The following NDUFAF7 variants were observed in gnomAD, a reference collection of about 807,000 sequenced individuals.
The protein encoded by NDUFAF7 is protein arginine methyltransferase NDUFAF7, mitochondrial.
In NDUFAF7, 48 loss-of-function variants were observed where a neutral mutation model predicts 47.2. That is an observed-to-expected ratio of 1.02 (90% CI 0.81 to 1.29). The LOEUF (loss-of-function observed/expected upper bound fraction) is 1.29, where lower values mean the gene tolerates loss of function less well. NDUFAF7 is among the 50% of genes most tolerant of loss of function. NDUFAF7 has a pLI of 0.00. For missense variants in NDUFAF7, 635 were observed against 537.6 expected (o/e 1.18, Z -1.79); for synonymous variants, 217 against 190.0 (o/e 1.14, Z -1.17).
chr2:37,238,594 T>TA (rs879565237), intron 4 of NDUFAF7, among the ~76,000 whole-genome samples: 75 of 144,260 alleles, frequency 5.2e-4, no homozygotes, highest in South Asian at 8.7e-4. Context: ...CTTTTTATAT[T>TA]AAAAAAAAAA....
downstream of NDUFAF7, chr2:37,251,600 C>G (rs1475736135): frequency 6.6e-6 from 1 of 152,186 alleles, no homozygotes; most frequent in Non-Finnish European, 1.5e-5. Flanking sequence ...TCAGTCTGTT[C>G]ATGTACCAGA....
At chr2:37,266,001 G>T in the NDUFAF7 span, among the ~76,000 whole-genome samples, 1 of 152,090 alleles carries the variant, frequency 6.6e-6, no homozygotes, top group African/African-American at 2.4e-5. Flanking sequence ...GACAATGAGG[G>T]TTCCAAAATT....
the NDUFAF7 span, among the ~76,000 whole-genome samples, chr2:37,262,877 A>G: frequency 6.6e-6 from 1 of 151,326 alleles, no homozygotes; most frequent in South Asian, 2.1e-4. Context: ...GAGATGAGCA[A>G]AGTATCCTAA....
the NDUFAF7 span, among the ~76,000 whole-genome samples, chr2:37,262,015 A>C: frequency 6.6e-6 from 1 of 152,346 alleles, no homozygotes; most frequent in Admixed American, 6.5e-5. Flanking sequence ...AATGTAAGCG[A>C]CTGTGCTTAA....
the NDUFAF7 span, among the ~76,000 whole-genome samples, chr2:37,259,369 GTTAAATC>G: frequency 1.3e-5 from 2 of 152,228 alleles, no homozygotes. Flanking sequence ...TCTATGTGCA[GTTAAATC>G]TTAAAAAATC....
rs577806509 is a variant in NDUFAF7 at position 37,235,905 on chromosome 2, G to T, written c.217-191G>T. Among the ~76,000 whole-genome samples, 14 of 152,130 alleles carry T rather than the reference G, an allele frequency of 9.2e-5. No individual in the cohort carries two copies. In the East Asian group the frequency reaches 2.7e-3, roughly 29 times the overall value. On this transcript the variant is annotated intron_variant, in intron 2 of 9. Transcript: ENST00000002125. ...AATCTCCTGACTTCGTGATCCACCCGTCTCGGCCTCCCAAAGTGCTGGGAT... is the reference window on the plus strand; with the variant it reads ...AATCTCCTGACTTCGTGATCCACCCTTCTCGGCCTCCCAAAGTGCTGGGAT...
intron 2 of NDUFAF7, 144 bp from the exon 3 acceptor site, chr2:37,235,952 C>T: frequency 1.4e-6 from 1 of 704,292 alleles, no homozygotes; most frequent in South Asian, 1.6e-5. Context: ...GCCACCACAC[C>T]TGGCTCCCCT....
rs770896125 is a variant in NDUFAF7, at chr2:37,231,675, T to A, written c.-31T>A. 30 of 1,614,006 alleles carry A rather than the reference T, an allele frequency of 1.9e-5. No homozygotes were observed. Among genetic ancestry groups the A allele is most frequent in the Non-Finnish European group, 2.5e-5 (30 of 1,179,986 alleles). ...CGGAAATGGTCTAAGCCCCAGCTCC[T>A]GGCGGAGCGAGCTAGCCTGCGAATT... On this transcript the variant is annotated 5_prime_UTR_variant, in exon 1 of 10. Transcript: ENST00000002125.
rs1043915450 is a variant in NDUFAF7, at chr2:37,248,719, A to G, written c.*369A>G. 3.4e-6 allele frequency: 1 copy of G among 298,026 alleles called. No homozygotes were observed. Among genetic ancestry groups the G allele is most frequent in the African/African-American group, 2.2e-5 (1 of 45,654 alleles). The allele number at this position is 298,026 out of a possible 1,614,324, so 18.5% of individuals were successfully genotyped here. ...CACCTGAGGTCAGCAGTTAAAGACC[A>G]GCCTGACCAAAATGGAGAAACCCCA... On this transcript the variant is annotated 3_prime_UTR_variant, in exon 10 of 10. Transcript: ENST00000002125.
chr2:37,236,192 A>G lies in NDUFAF7; in HGVS notation c.297+16A>G. ...CTTTGGGGAGGTAATATACTATGTAAAGTATGAATGAAGCTAATATAAACA... is the reference window on the plus strand; with the variant it reads ...CTTTGGGGAGGTAATATACTATGTAGAGTATGAATGAAGCTAATATAAACA... On this transcript the variant is annotated intron_variant, in intron 3 of 9. Transcript: ENST00000002125. 6.5e-7 allele frequency: 1 copy of G among 1,545,988 alleles called. No individual in the cohort carries two copies. The highest frequency in any genetic ancestry group is 8.9e-7 in the Non-Finnish European group (1 of 1,118,138).
At chr2:37,256,936 A>G, downstream of NDUFAF7, 1 of 1,613,842 alleles carries the variant, frequency 6.2e-7, no homozygotes, top group African/African-American at 1.3e-5. Context: ...TCACCTGGAA[A>G]TTGAAGGATG....
downstream of NDUFAF7, chr2:37,253,344 G>C: frequency 6.2e-7 from 1 of 1,609,874 alleles, no homozygotes; most frequent in African/African-American, 1.3e-5. Context: ...AGCCAAGTCT[G>C]ATAGTCCTAG....
downstream of NDUFAF7, chr2:37,251,810 T>C (rs935005041): frequency 6.6e-6 from 1 of 151,714 alleles, no homozygotes; most frequent in Non-Finnish European, 1.5e-5. Flanking sequence ...CAGGCCAACA[T>C]AACTAACAAG....
At chr2:37,265,462 AAGTT>A in the NDUFAF7 span, among the ~76,000 whole-genome samples, 5 of 152,090 alleles carry the variant, frequency 3.3e-5, no homozygotes, top group Non-Finnish European at 4.4e-5. Flanking sequence ...TTCATATACA[AAGTT>A]AGCTAAAGTT....
At chr2:37,231,946 G>A in intron 1 of NDUFAF7, 160 bp from the exon 2 acceptor site, 2 of 1,597,252 alleles carry the variant, frequency 1.3e-6, no homozygotes, top group Non-Finnish European at 1.7e-6. Flanking sequence ...GCAAGTGGGT[G>A]CTGTCTCTGC....
chr2:37,231,792 C>T, intron 1 of NDUFAF7, 32 bp downstream of exon 1: 3 of 1,613,696 alleles, frequency 1.9e-6, no homozygotes, highest in South Asian at 1.1e-5. Context: ...GCCCGGTTGC[C>T]GTGGAAGCCG....
chr2:37,256,935 A>T, downstream of NDUFAF7: 1 of 1,613,782 alleles, frequency 6.2e-7, no homozygotes, highest in Non-Finnish European at 8.5e-7. Context: ...TTCACCTGGA[A>T]ATTGAAGGAT....
chr2:37,242,550 T>A (rs1472479454), intron 5 of NDUFAF7, 85 bp from the exon 6 acceptor site: 1 of 1,067,228 alleles, frequency 9.4e-7, no homozygotes, highest in African/African-American at 1.6e-5. Flanking sequence ...ATGGAGGAAG[T>A]AGGCATTTTT....
chr2:37,234,433 T>G (rs1012851274), intron 2 of NDUFAF7, among the ~76,000 whole-genome samples: 8 of 152,152 alleles, frequency 5.3e-5, no homozygotes, highest in Non-Finnish European at 1.2e-4. Context: ...AGTGTATATA[T>G]CACATTTTTT....
Sources: gnomAD v4.1 joint callset for allele counts (sites outside exome capture counted in the v4.1 genomes callset) on GRCh38, gnomAD v4.1.1 for gene constraint, MANE v1.5 for transcripts, NCBI Gene and HGNC (gene_info 2026-07-23, HGNC 2026-07-21) for gene names.